PITPNM2: variants seen among roughly 807,000 people sequenced by gnomAD.
PITPNM2 encodes the protein phosphatidylinositol transfer protein membrane associated 2, also known as membrane-associated phosphatidylinositol transfer protein 2.
A neutral mutation model predicts 132.2 loss-of-function variants in PITPNM2; 35 were observed. The ratio of observed to expected loss-of-function variants is 0.26; its 90% CI spans 0.20 to 0.35. The LOEUF (loss-of-function observed/expected upper bound fraction) is 0.35, where lower values mean the gene tolerates loss of function less well. PITPNM2 is among the 10% of genes least tolerant of loss of function. PITPNM2 has a pLI of 1.00. For synonymous variants in PITPNM2, 738 were observed against 799.2 expected (o/e 0.92, Z 1.29); for missense variants, 1,332 against 1,912.0 (o/e 0.70, Z 5.66).
rs755853411 is a variant in PITPNM2, at chr12:123,005,323, C to G, written c.869G>C (p.Ser290Thr). The G allele has an allele frequency of 1.2e-5, 20 of 1,613,922 alleles. No homozygotes were observed. In the South Asian group the frequency reaches 1.9e-4, roughly 15 times the overall value. The change falls in exon 7 of 26, where the codon AGC (serine) becomes ACC (threonine). Residue 290 changes from serine to threonine, a missense_variant. Coordinates refer to ENST00000320201, the MANE Select transcript of PITPNM2 (RefSeq NM_020845.3). This position sits in a 1 kb window ranked among gnomAD's most constrained non-coding sequence, Gnocchi z 6.2. ...GCGCCCCACTAGGGGCTCCCCATTGCTGCTGCTGGGCTCCGGGGGCTCCCC... is the reference window on the plus strand; with the variant it reads ...GCGCCCCACTAGGGGCTCCCCATTGGTGCTGCTGGGCTCCGGGGGCTCCCC... ...TSGEPPEPSS[S>T]NGEPLVGRGL...
rs2137420532 is a variant in PITPNM2, at chr12:123,119,282, C to T, written c.-199-8794G>A. On this transcript the variant is annotated intron_variant, in intron 1 of 25. Transcript: ENST00000320201. ...CAGCTTCTGCCTAAGCTTTGTCATG[C>T]TCGGGAGGTAGGGACAAGGATTAGG... Among the ~76,000 whole-genome samples the T allele has an allele frequency of 1.3e-5, 2 of 151,832 alleles. 1 individual carries two copies. Among genetic ancestry groups the T allele is most frequent in the South Asian group, 4.2e-4 (2 of 4,812 alleles).
intron 3 of PITPNM2, among the ~76,000 whole-genome samples, chr12:123,014,545 A>T (rs1254706478): frequency 2.6e-5 from 4 of 152,164 alleles, no homozygotes; most frequent in Non-Finnish European, 5.9e-5. Context: ...CTCTACTAAA[A>T]ATAGAAAAAT....
chr12:123,003,451 C>T (rs1034266522), intron 8 of PITPNM2, among the ~76,000 whole-genome samples: 9 of 152,232 alleles, frequency 5.9e-5, no homozygotes, highest in African/African-American at 1.2e-4. Flanking sequence ...GCCCCTCCTC[C>T]GTCCTGGGCA....
chr12:123,059,256 A>T (rs1052380901), intron 2 of PITPNM2, among the ~76,000 whole-genome samples: 12 of 151,960 alleles, frequency 7.9e-5, no homozygotes, highest in African/African-American at 2.9e-4. Context: ...TCAACCAGCC[A>T]CCTCCTGTGT....
At position 122,986,046 on chromosome 12, in the gene PITPNM2, GC is replaced by G. The variant is rs1312714837; in HGVS notation, c.4030del (p.Ala1344GlnfsTer10). 9.9e-6 allele frequency: 14 copies of G among 1,407,914 alleles called. No individual in the cohort carries two copies. The highest frequency in any genetic ancestry group is 3.4e-5 in the Admixed American group (1 of 29,582). The allele number at this position is 1,407,914 out of a possible 1,614,324, so 87.2% of individuals were successfully genotyped here. Reference sequence around the variant, plus strand: ...GGTGCCCTACTTGGGGCCCGCGGCTGCCCCCGGCTCCAGGCGGCCAGTCATG... The same window carrying G: ...GGTGCCCTACTTGGGGCCCGCGGCTGCCCCGGCTCCAGGCGGCCAGTCATG... ...RAMTGRLEPGAAAGPK is the reference protein window; with the variant it reads ...RAMTGRLEPGXAAGPK On this transcript the variant is annotated frameshift_variant, in exon 26 of 26. Transcript: ENST00000320201. LOFTEE classifies it high-confidence loss of function.
chr12:123,011,825 A>C (rs1049572517), intron 5 of PITPNM2, among the ~76,000 whole-genome samples: 1 of 152,256 alleles, frequency 6.6e-6, no homozygotes, highest in Non-Finnish European at 1.5e-5. Flanking sequence ...CTGTGATCTC[A>C]GACTTCTGGC....
intron 2 of PITPNM2, among the ~76,000 whole-genome samples, chr12:123,039,377 G>A (rs1210977761): frequency 2.6e-5 from 4 of 152,124 alleles, no homozygotes; most frequent in South Asian, 2.1e-4. Context: ...TGATGAACAC[G>A]GCATTGATAT....
chr12:123,006,928 G>A (rs1322671410), intron 6 of PITPNM2, among the ~76,000 whole-genome samples: 1 of 151,866 alleles, frequency 6.6e-6, no homozygotes, highest in Non-Finnish European at 1.5e-5. Context: ...GAATCATATG[G>A]AATCTAAAAT....
intron 2 of PITPNM2, among the ~76,000 whole-genome samples, chr12:123,080,023 C>T (rs1232481918): frequency 6.6e-6 from 1 of 152,210 alleles, no homozygotes; most frequent in Non-Finnish European, 1.5e-5. Flanking sequence ...GACTCATAAA[C>T]TACATGGCCT....
chr12:123,069,680 A>T (rs543410200), intron 2 of PITPNM2, among the ~76,000 whole-genome samples: 43 of 152,186 alleles, frequency 2.8e-4, no homozygotes, highest in African/African-American at 8.9e-4. Context: ...CATTTATCAG[A>T]CTGCACTGTA....
At chr12:123,094,972 A>G (rs2137153535) in intron 2 of PITPNM2, among the ~76,000 whole-genome samples, 1 of 152,358 alleles carries the variant, frequency 6.6e-6, no homozygotes, top group East Asian at 1.9e-4. Context: ...ATATGATCAG[A>G]TTAACTTCTG....
intron 2 of PITPNM2, among the ~76,000 whole-genome samples, chr12:123,045,880 C>T (rs900724251): frequency 1.3e-5 from 2 of 152,244 alleles, no homozygotes; most frequent in South Asian, 2.1e-4. Flanking sequence ...CACCAGCCCA[C>T]CACTCTGAGC....
chr12:123,124,199 T>A (rs1163330971), intron 1 of PITPNM2, among the ~76,000 whole-genome samples: 1 of 152,162 alleles, frequency 6.6e-6, no homozygotes, highest in Non-Finnish European at 1.5e-5. Context: ...GAGGTTGCAG[T>A]GAGCCCGAGA....
chr12:123,003,385 GT>G (rs2038782239), intron 8 of PITPNM2, among the ~76,000 whole-genome samples: 2 of 152,242 alleles, frequency 1.3e-5, no homozygotes, highest in African/African-American at 4.8e-5. Flanking sequence ...TGTGAAATAC[GT>G]ATTGTCCTCT....
At chr12:123,016,235 A>C (rs934890785) in intron 3 of PITPNM2, among the ~76,000 whole-genome samples, 6 of 151,822 alleles carry the variant, frequency 4.0e-5, no homozygotes, top group Admixed American at 2.0e-4. Flanking sequence ...CTGAGGTAGG[A>C]GAATTGCTTG....
chr12:123,032,618 C>T (rs909856488), intron 3 of PITPNM2, among the ~76,000 whole-genome samples: 2 of 152,112 alleles, frequency 1.3e-5, no homozygotes, highest in South Asian at 4.2e-4. Flanking sequence ...TGACAGCCAC[C>T]GGGAGGCCAG....
chr12:123,014,114 C>A, intron 3 of PITPNM2, 72 bp from the exon 4 acceptor site: 1 of 1,537,356 alleles, frequency 6.5e-7, no homozygotes, highest in Non-Finnish European at 8.9e-7. Flanking sequence ...GCACAGGAGA[C>A]TGGGCCCAGG....
Position 123,082,526 on chromosome 12 carries a change from C to A in PITPNM2, c.-96+27859G>T, listed in dbSNP as rs2041994185. Reference sequence around the variant, plus strand: ...CGATTTCAGCTCACTGCAACCTCTGCCTCCCGGTTCAAGCGATTCTCATGC... The same window carrying A: ...CGATTTCAGCTCACTGCAACCTCTGACTCCCGGTTCAAGCGATTCTCATGC... On this transcript the variant is annotated intron_variant, in intron 2 of 25. Transcript: ENST00000320201. The surrounding 1 kb of genome is among the most constrained non-coding windows in gnomAD (Gnocchi z 5.4). 6.6e-6 allele frequency among the ~76,000 whole-genome samples: 1 copy of A among 152,168 alleles called. No individual in the cohort carries two copies. Among genetic ancestry groups the A allele is most frequent in the Non-Finnish European group, 1.5e-5 (1 of 68,038 alleles).
At chr12:123,139,075 T>C (rs1295029110) in intron 1 of PITPNM2, among the ~76,000 whole-genome samples, 1 of 151,590 alleles carries the variant, frequency 6.6e-6, no homozygotes, top group African/African-American at 2.4e-5. Flanking sequence ...GAGGTTGAGG[T>C]TGCAGTGAGC....
Sources: gnomAD v4.1 joint callset for allele counts (sites outside exome capture counted in the v4.1 genomes callset) on GRCh38, gnomAD v4.1.1 for gene constraint, Gnocchi (gnomAD v3.1) non-coding constraint, MANE v1.5 for transcripts, NCBI Gene and HGNC (gene_info 2026-07-23, HGNC 2026-07-21) for gene names.